Variants in RRP1B observed in about 807,000 individuals in gnomAD.
RRP1B encodes ribosomal RNA processing 1B.
A neutral mutation model predicts 80.2 loss-of-function variants in RRP1B; 56 were observed. The observed-to-expected ratio is 0.70, with a 90% CI of 0.56 to 0.87. The LOEUF is 0.87. RRP1B is among the 40% of genes least tolerant of loss of function. The pLI, the probability that RRP1B is intolerant of heterozygous loss-of-function variation, is 0.00. For missense variants in RRP1B, 807 were observed against 939.8 expected, an observed-to-expected ratio of 0.86 and a Z score of 1.85; for synonymous variants, 351 against 357.6, an observed-to-expected ratio of 0.98 and a Z score of 0.21.
intron 8 of RRP1B, among the ~76,000 whole-genome samples, chr21:43,679,840 T>C (rs561384124): frequency 2.0e-5 from 3 of 152,358 alleles, no homozygotes; most frequent in South Asian, 4.1e-4. Context: ...GTAGTTTTCC[T>C]TGTAGAGATC....
At chr21:43,668,226 T>G (rs2082986082) in intron 1 of RRP1B, among the ~76,000 whole-genome samples, 1 of 149,588 alleles carries the variant, frequency 6.7e-6, no homozygotes, top group Non-Finnish European at 1.5e-5. Context: ...AAAAAAAGAA[T>G]CAAAATGTAC....
intron 5 of RRP1B, 72 bp downstream of exon 5, chr21:43,674,769 A>G: frequency 7.4e-7 from 1 of 1,356,492 alleles, no homozygotes; most frequent in Non-Finnish European, 1.0e-6. Context: ...AAGTTTTCTG[A>G]ACTTGTAGAG....
chr21:43,687,005 G>T, intron 12 of RRP1B, 70 bp downstream of exon 12: 1 of 1,527,752 alleles, frequency 6.5e-7, no homozygotes. Context: ...TGGAGGCCTC[G>T]GAGACTTGAG....
chr21:43,677,119 TC>T (rs769039906), intron 8 of RRP1B, among the ~76,000 whole-genome samples: 27 of 152,118 alleles, frequency 1.8e-4, no homozygotes, highest in Non-Finnish European at 3.5e-4. Flanking sequence ...CTGAGATCTG[TC>T]CCATGTGGCA....
intron 8 of RRP1B, among the ~76,000 whole-genome samples, chr21:43,680,403 C>CA (rs34344066): frequency 0.56 from 82,635 of 148,386 alleles, 23,433 homozygotes; most frequent in East Asian, 0.81. Flanking sequence ...ACTAAAAATA[C>CA]AAAAAAAAAA....
intron 11 of RRP1B, 159 bp from the exon 12 acceptor site, chr21:43,686,645 G>A (rs2083064170): frequency 1.3e-6 from 1 of 777,450 alleles, no homozygotes; most frequent in Admixed American, 3.0e-5. Context: ...GCTTTTTTAA[G>A]TCTGTAATTC....
At chr21:43,690,584 G>C in intron 14 of RRP1B, 144 bp downstream of exon 14, 1 of 884,856 alleles carries the variant, frequency 1.1e-6, no homozygotes, top group Non-Finnish European at 1.7e-6. Context: ...CACGGCCAGG[G>C]TAGCATAAGG....
chr21:43,676,625 C>T, intron 7 of RRP1B, 108 bp from the exon 8 acceptor site: 1 of 1,050,642 alleles, frequency 9.5e-7, no homozygotes. Context: ...CCGTGGGGGC[C>T]ACTCCAGACC....
At chr21:43,665,497 A>T (rs1007612960) in intron 1 of RRP1B, among the ~76,000 whole-genome samples, 10 of 152,240 alleles carry the variant, frequency 6.6e-5, no homozygotes, top group Non-Finnish European at 1.3e-4. Context: ...GGACTCTTTC[A>T]GTTGCAACTT....
intron 8 of RRP1B, among the ~76,000 whole-genome samples, chr21:43,681,712 G>T (rs903609081): frequency 6.6e-6 from 1 of 152,224 alleles, no homozygotes; most frequent in Non-Finnish European, 1.5e-5. Flanking sequence ...ATCACTTTGG[G>T]AGCCTGAGGT....
rs2236667 is a variant in RRP1B, at chr21:43,693,058, A to G, written c.2084-132A>G. On this transcript the variant is annotated intron_variant, in intron 15 of 15. Transcript: ENST00000340648. This position sits in a 1 kb window ranked among gnomAD's most constrained non-coding sequence, Gnocchi z 4.1. ...GAAGGCTCTTGGGCCTGCTCTCTGC[A>G]GGGCCTTGAGATGGCCCTGCTTCGT... The G allele has an allele frequency of 0.62, 522,239 of 836,978 alleles. 166,126 individuals are homozygous for G. Among genetic ancestry groups the G allele is most frequent in the East Asian group, 0.81 (30,549 of 37,778 alleles). 51.8% of individuals were successfully genotyped at this position (836,978 alleles called of 1,614,324 possible). A position where few individuals can be genotyped will look rare whatever the true frequency, so the allele number is the denominator to read the frequency against.
At chr21:43,692,567 C>A (rs1025006319) in intron 15 of RRP1B, among the ~76,000 whole-genome samples, 1 of 151,418 alleles carries the variant, frequency 6.6e-6, no homozygotes, top group Admixed American at 6.6e-5. Context: ...TCACTGCACT[C>A]CAGCCTGGGT....
At chr21:43,680,112 G>T (rs1194821699) in intron 8 of RRP1B, among the ~76,000 whole-genome samples, 1 of 152,074 alleles carries the variant, frequency 6.6e-6, no homozygotes, top group Non-Finnish European at 1.5e-5. Context: ...GGGTTTTCTA[G>T]GTATATGATT....
At chr21:43,674,923 G>T (rs2147167018) in intron 5 of RRP1B, 111 bp from the exon 6 acceptor site, 1 of 1,377,670 alleles carries the variant, frequency 7.3e-7, no homozygotes, top group African/African-American at 1.4e-5. Context: ...TTTCAGCCTT[G>T]CATTGATTGT....
intron 9 of RRP1B, among the ~76,000 whole-genome samples, 158 bp downstream of exon 9, chr21:43,683,531 A>G (rs1022651368): frequency 1.3e-5 from 2 of 152,164 alleles, no homozygotes; most frequent in Non-Finnish European, 2.9e-5. Context: ...GAATAACCTT[A>G]TTGGAGACAA....
chr21:43,690,981 A>T lies in RRP1B; in HGVS notation c.2020-458A>T, dbSNP rs1357983900. 2.0e-5 allele frequency among the ~76,000 whole-genome samples: 3 copies of T among 152,212 alleles called. No individual in the cohort carries two copies. The East Asian group carries it at 5.8e-4, about 29-fold the overall frequency. ...GAGATTCCATCATAGGCATCGTCTC[A>T]TCGATGTCATAGAGTCTTCAAGTTA... On this transcript the variant is annotated intron_variant, in intron 14 of 15. Transcript: ENST00000340648.
chr21:43,692,133 G>A (rs753845703), intron 15 of RRP1B, among the ~76,000 whole-genome samples: 19 of 152,154 alleles, frequency 1.2e-4, no homozygotes, highest in African/African-American at 4.3e-4. Context: ...ACTGAAAGCC[G>A]TCCCATAGAG....
chr21:43,691,342 G>A lies in RRP1B; in HGVS notation c.2020-97G>A, dbSNP rs144972330. On this transcript the variant is annotated intron_variant, in intron 14 of 15. Transcript: ENST00000340648. This position sits in a 1 kb window ranked among gnomAD's most constrained non-coding sequence, Gnocchi z 4.2. ...CCACTCAGTAAGCAGCAGTGTGGGCGGCATACCCTCCAGGGCAGGTTCTCC... is the reference window on the plus strand; with the variant it reads ...CCACTCAGTAAGCAGCAGTGTGGGCAGCATACCCTCCAGGGCAGGTTCTCC... 136 of 1,095,386 alleles carry A rather than the reference G, an allele frequency of 1.2e-4. 1 individual carries two copies. In the African/African-American group the frequency reaches 1.8e-3, roughly 15 times the overall value. The allele number at this position is 1,095,386 out of a possible 1,614,324, so 67.9% of individuals were successfully genotyped here.
intron 1 of RRP1B, among the ~76,000 whole-genome samples, chr21:43,664,688 G>A (rs143252318): frequency 3.0e-4 from 46 of 152,262 alleles, no homozygotes; most frequent in African/African-American, 9.6e-4. Context: ...AAGACACTCC[G>A]GAGACTGGGT....
Sources: allele counts gnomAD v4.1 joint callset (sites outside exome capture counted in the v4.1 genomes callset), GRCh38; gene constraint gnomAD v4.1.1; non-coding constraint Gnocchi (gnomAD v3.1); transcripts MANE v1.5; gene names NCBI Gene and HGNC (gene_info 2026-07-23, HGNC 2026-07-21).